The following ASTN2 variants were observed in gnomAD, a reference collection of about 807,000 sequenced individuals.
ASTN2 encodes astrotactin 2, also known as astrotactin-2.
In ASTN2, 54 loss-of-function variants were observed where a neutral mutation model predicts 139.8. The observed-to-expected ratio is 0.39, with a 90% CI of 0.31 to 0.48. The LOEUF is 0.48. ASTN2 is among the 20% of genes least tolerant of loss of function. ASTN2 has a pLI of 0.95. For synonymous variants in ASTN2, 756 were observed against 719.5 expected, an observed-to-expected ratio of 1.05 and a Z score of -0.81; for missense variants, 1,565 against 1,725.1, an observed-to-expected ratio of 0.91 and a Z score of 1.64.
chr9:117,296,654 G>A (rs910570090), intron 1 of ASTN2, among the ~76,000 whole-genome samples: 5 of 152,224 alleles, frequency 3.3e-5, no homozygotes, highest in African/African-American at 9.6e-5. Flanking sequence ...GGCAGATTAT[G>A]CTGACATGAT....
chr9:117,075,688 A>G (rs965977793), intron 5 of ASTN2, among the ~76,000 whole-genome samples: 8 of 152,200 alleles, frequency 5.3e-5, no homozygotes, highest in Admixed American at 3.3e-4. Flanking sequence ...ATTTAGCTCC[A>G]TCTTTGCCAC....
intron 10 of ASTN2, among the ~76,000 whole-genome samples, chr9:116,891,719 A>G (rs1366431710): frequency 6.6e-6 from 1 of 152,222 alleles, no homozygotes; most frequent in East Asian, 1.9e-4. Flanking sequence ...GCACTTGGTC[A>G]TCCATTTTAC....
chr9:116,821,663 A>G (rs1831487771), intron 11 of ASTN2, among the ~76,000 whole-genome samples: 1 of 152,064 alleles, frequency 6.6e-6, no homozygotes, highest in Admixed American at 6.5e-5. Flanking sequence ...TAAACTGATA[A>G]TCAAGGTCCT....
At chr9:116,879,533 C>T (rs545258650) in intron 10 of ASTN2, among the ~76,000 whole-genome samples, 27 of 152,236 alleles carry the variant, frequency 1.8e-4, no homozygotes, top group Admixed American at 1.2e-3. Flanking sequence ...ATACATAAAT[C>T]ATAGATTATA....
chr9:116,743,960 A>G (rs1337990600), intron 13 of ASTN2, among the ~76,000 whole-genome samples: 6 of 152,226 alleles, frequency 3.9e-5, no homozygotes, highest in Admixed American at 1.3e-4. Context: ...AGAGGGATAA[A>G]GTCTAAGTTT....
intron 2 of ASTN2, among the ~76,000 whole-genome samples, chr9:117,240,774 T>C (rs967758782): frequency 6.6e-6 from 1 of 152,072 alleles, no homozygotes; most frequent in Non-Finnish European, 1.5e-5. Context: ...GTAGATGGAG[T>C]CTAAAGCCCA....
At chr9:116,773,008 G>C (rs538183652) in intron 13 of ASTN2, among the ~76,000 whole-genome samples, 1 of 151,964 alleles carries the variant, frequency 6.6e-6, no homozygotes, top group Admixed American at 6.6e-5. Context: ...TAAAGGAATG[G>C]AAAGCGAAGA....
At chr9:117,140,023 C>T (rs1390920008) in intron 4 of ASTN2, among the ~76,000 whole-genome samples, 1 of 152,198 alleles carries the variant, frequency 6.6e-6, no homozygotes, top group Non-Finnish European at 1.5e-5. Flanking sequence ...AGACAGATTA[C>T]AATAGCTGTT....
At chr9:116,919,994 A>G (rs555145564) in intron 10 of ASTN2, among the ~76,000 whole-genome samples, 1 of 152,086 alleles carries the variant, frequency 6.6e-6, no homozygotes, top group Admixed American at 6.5e-5. Context: ...TGTGGTGGTC[A>G]TCAGTTCATG....
chr9:116,513,340 C>T (rs1276249770), intron 19 of ASTN2, among the ~76,000 whole-genome samples: 1 of 152,224 alleles, frequency 6.6e-6, no homozygotes, highest in Admixed American at 6.5e-5. Context: ...CCACTCTCTT[C>T]TGGCTTGTAG....
At chr9:116,988,121 C>T (rs191564414) in intron 7 of ASTN2, among the ~76,000 whole-genome samples, 134 of 152,316 alleles carry the variant, frequency 8.8e-4, no homozygotes, top group African/African-American at 3.1e-3. Flanking sequence ...GGGGGAACTA[C>T]TATAGCCATT....
intron 4 of ASTN2, among the ~76,000 whole-genome samples, chr9:117,099,115 A>G (rs1039935806): frequency 6.6e-5 from 10 of 151,974 alleles, no homozygotes; most frequent in Non-Finnish European, 1.2e-4. Context: ...TCCAAAAAAA[A>G]AAAAAAAAGG....
chr9:116,638,570 G>C (rs1857183161), intron 17 of ASTN2, among the ~76,000 whole-genome samples: 1 of 150,504 alleles, frequency 6.6e-6, no homozygotes, highest in Non-Finnish European at 1.5e-5. Context: ...CAAGCCTCTA[G>C]ACCTAACTAC....
chr9:117,171,597 C>T (rs1384782153), intron 3 of ASTN2, among the ~76,000 whole-genome samples: 1 of 152,058 alleles, frequency 6.6e-6, no homozygotes, highest in East Asian at 1.9e-4. Flanking sequence ...ATCATGGGAT[C>T]GGTTTCCCCC....
intron 10 of ASTN2, among the ~76,000 whole-genome samples, chr9:116,966,289 A>G (rs1340359133): frequency 2.0e-5 from 3 of 152,218 alleles, no homozygotes; most frequent in Non-Finnish European, 4.4e-5. Context: ...CATTTCCTGC[A>G]TGTAAGATAG....
chr9:116,901,712 G>A (rs1373347267), intron 10 of ASTN2, among the ~76,000 whole-genome samples: 1 of 152,166 alleles, frequency 6.6e-6, no homozygotes, highest in African/African-American at 2.4e-5. Flanking sequence ...TGTTATTTTA[G>A]AGTATATTCC....
In ASTN2 at chr9:116,876,492, T is replaced by C. The variant is rs1402190238; in HGVS notation, c.1890-12759A>G. ...GTTGGAGTAAATTGAAAAAATTCAC[T>C]TTCAAAAAGTTCTGTGGGTAAAATG... On this transcript the variant is annotated intron_variant, in intron 10 of 22. Coordinates refer to ENST00000313400, the MANE Select transcript of ASTN2 (RefSeq NM_001365068.1). Among the ~76,000 whole-genome samples, 3 of 152,232 alleles carry C rather than the reference T, an allele frequency of 2.0e-5. No homozygotes were observed. The East Asian group carries it at 5.8e-4, about 29-fold the overall frequency.
chr9:116,713,507 A>C (rs1017343455), intron 16 of ASTN2, among the ~76,000 whole-genome samples: 2 of 152,152 alleles, frequency 1.3e-5, no homozygotes, highest in African/African-American at 4.8e-5. Context: ...GCTGGTCAGC[A>C]TCATGCAGGC....
chr9:117,354,784 G>A (rs534121754), intron 1 of ASTN2, among the ~76,000 whole-genome samples: 45 of 151,972 alleles, frequency 3.0e-4, no homozygotes, highest in South Asian at 1.7e-3. Flanking sequence ...TCTCTTCCCC[G>A]TACTAGAACC....
Sources: gnomAD v4.1 joint callset for allele counts (sites outside exome capture counted in the v4.1 genomes callset) on GRCh38, gnomAD v4.1.1 for gene constraint, MANE v1.5 for transcripts, NCBI Gene and HGNC (gene_info 2026-07-23, HGNC 2026-07-21) for gene names.